DUS2: variants seen among roughly 807,000 people sequenced by gnomAD.
DUS2 encodes dihydrouridine synthase 2.
DUS2 carries 52 observed loss-of-function variants against 71.3 expected under a neutral mutation model. The observed-to-expected ratio is 0.73, with a 90% CI of 0.58 to 0.92. The LOEUF (loss-of-function observed/expected upper bound fraction) is 0.92, where lower values mean the gene tolerates loss of function less well. Ranked by LOEUF, DUS2 falls within the 40% of genes least tolerant of loss-of-function variation. DUS2 has a pLI of 0.00. For missense variants in DUS2, 558 were observed against 622.6 expected (o/e 0.90, Z 1.10); for synonymous variants, 204 against 227.8 (o/e 0.90, Z 0.94).
chr16:68,057,475 G>A (rs1179346492), intron 7 of DUS2, among the ~76,000 whole-genome samples: 1 of 151,790 alleles, frequency 6.6e-6, no homozygotes, highest in African/African-American at 2.4e-5. Context: ...GCCCACACAT[G>A]TAATCCTAGC....
chr16:68,054,245 G>T (rs923133826), intron 5 of DUS2, among the ~76,000 whole-genome samples: 5 of 151,878 alleles, frequency 3.3e-5, no homozygotes, highest in Admixed American at 3.3e-4. Flanking sequence ...GTTAACAATG[G>T]GTAACCATGT....
At chr16:68,069,961 C>A (rs2034060122) in intron 10 of DUS2, among the ~76,000 whole-genome samples, 173 bp from the exon 11 acceptor site, 1 of 152,230 alleles carries the variant, frequency 6.6e-6, no homozygotes, top group Non-Finnish European at 1.5e-5. Context: ...CCTCACAGTT[C>A]TCCAGAGGGC....
Position 68,053,573 on chromosome 16 carries a change from G to C in DUS2, c.182G>C (p.Ser61Thr). The change falls in exon 5 of 17, where the codon AGC becomes ACC. Residue 61 changes from serine to threonine, a missense_variant. By Grantham distance (58) the Ser-to-Thr change is moderately conservative. Coordinates refer to ENST00000565263, the MANE Select transcript of DUS2 (RefSeq NM_017803.5). ...TTGGGTTTTCTTGCAGAGGTGCTCAGCACAGTGGACTTTGTCGCCCCTGAT... is the reference window on the plus strand; with the variant it reads ...TTGGGTTTTCTTGCAGAGGTGCTCACCACAGTGGACTTTGTCGCCCCTGAT... ...QCKRVVNEVL[S>T]TVDFVAPDDR... is the part of the protein sequence containing the mutation. 1 of 1,614,230 alleles carries C rather than the reference G, an allele frequency of 6.2e-7. No homozygotes were observed.
chr16:68,028,596 G>A (rs766067432), intron 2 of DUS2, among the ~76,000 whole-genome samples: 13 of 152,230 alleles, frequency 8.5e-5, no homozygotes, highest in Admixed American at 2.6e-4. Flanking sequence ...CTGAGATCAC[G>A]CCACTGCACT....
chr16:68,068,890 A>G (rs2034046198), intron 10 of DUS2, among the ~76,000 whole-genome samples: 1 of 151,432 alleles, frequency 6.6e-6, no homozygotes, highest in Admixed American at 6.6e-5. Context: ...GTGAGCCACC[A>G]TGCCAAGCCA....
intron 3 of DUS2, among the ~76,000 whole-genome samples, chr16:68,043,797 TG>T (rs2033664760): frequency 6.6e-6 from 1 of 152,192 alleles, no homozygotes; most frequent in Non-Finnish European, 1.5e-5. Context: ...CCCAGGGAGC[TG>T]GGACTACAGG....
chr16:68,038,192 A>T (rs1598302185), intron 3 of DUS2, 43 bp downstream of exon 3: 2 of 1,608,602 alleles, frequency 1.2e-6, no homozygotes, highest in Middle Eastern at 3.4e-4. Context: ...CCACAAGTAC[A>T]GACTCCTCTT....
In DUS2 at chr16:68,053,882, C is replaced by A; in HGVS notation, c.264+227C>A. The A allele has an allele frequency of 8.0e-6, 4 of 500,746 alleles. 1 individual carries two copies. The South Asian group carries it at 1.3e-4, about 16-fold the overall frequency. The allele number at this position is 500,746 out of a possible 1,614,324, so 31.0% of individuals were successfully genotyped here. A position where few individuals can be genotyped will look rare whatever the true frequency, so the allele number is the denominator to read the frequency against. Reference sequence around the variant, plus strand: ...TCACAGTCTTATATGTCTCTAGTCTCAAATTTAATTTACTTACTTGTAGGA... The same window carrying A: ...TCACAGTCTTATATGTCTCTAGTCTAAAATTTAATTTACTTACTTGTAGGA... On this transcript the variant is annotated intron_variant, in intron 5 of 16. Coordinates refer to ENST00000565263, the MANE Select transcript of DUS2 (RefSeq NM_017803.5).
intron 6 of DUS2, among the ~76,000 whole-genome samples, chr16:68,054,860 T>A (rs1320425741): frequency 6.6e-6 from 1 of 152,086 alleles, no homozygotes; most frequent in Non-Finnish European, 1.5e-5. Context: ...TTGGCCAACA[T>A]GGTGAAACCC....
intron 13 of DUS2, 64 bp from the exon 14 acceptor site, chr16:68,075,291 C>A: frequency 6.9e-7 from 1 of 1,449,098 alleles, no homozygotes. Flanking sequence ...GCCCTGGGGT[C>A]CTGCAGTACC....
At chr16:68,023,471 T>C in intron 1 of DUS2, 120 bp downstream of exon 1, 1 of 503,880 alleles carries the variant, frequency 2.0e-6, no homozygotes. Context: ...CTTGACCCAA[T>C]GGACCATGAG....
chr16:68,037,900 A>G (rs1449865331), intron 2 of DUS2, 106 bp from the exon 3 acceptor site: 5 of 1,170,918 alleles, frequency 4.3e-6, no homozygotes, highest in African/African-American at 1.5e-5. Flanking sequence ...AAAGAAAATG[A>G]AAACTACTGT....
At chr16:68,044,624 T>C (rs1337252582) in intron 3 of DUS2, among the ~76,000 whole-genome samples, 1 of 152,010 alleles carries the variant, frequency 6.6e-6, no homozygotes, top group Non-Finnish European at 1.5e-5. Flanking sequence ...CTCGAACTCC[T>C]GATCTCAAAG....
At chr16:68,065,438 C>G (rs1479742193) in intron 8 of DUS2, among the ~76,000 whole-genome samples, 3 of 151,654 alleles carry the variant, frequency 2.0e-5, no homozygotes, top group African/African-American at 7.3e-5. Context: ...CCTGTCATCC[C>G]AGGACTTTGG....
intron 8 of DUS2, among the ~76,000 whole-genome samples, chr16:68,064,913 C>A (rs530455819): frequency 6.6e-6 from 1 of 152,346 alleles, no homozygotes; most frequent in Admixed American, 6.5e-5. Context: ...TGTCTAGAAT[C>A]AAGACTGGCA....
chr16:68,058,719 C>T (rs1336507404), intron 7 of DUS2, among the ~76,000 whole-genome samples: 1 of 152,118 alleles, frequency 6.6e-6, no homozygotes, highest in Non-Finnish European at 1.5e-5. Context: ...TTGATTTCCT[C>T]TGGGGAAGGA....
intron 6 of DUS2, 137 bp downstream of exon 6, chr16:68,054,754 C>G (rs770923740): frequency 8.2e-6 from 9 of 1,091,612 alleles, no homozygotes; most frequent in African/African-American, 1.6e-5. Flanking sequence ...TTAAGAGTGC[C>G]TGGTTTCCAG....
chr16:68,056,618 A>G lies in DUS2; in HGVS notation c.369+194A>G, dbSNP rs75899576. ...TATATTAGCTAAATATACTGTATCAATGTAAACTTATGAAGATAACTTCTG... is the reference window on the plus strand; with the variant it reads ...TATATTAGCTAAATATACTGTATCAGTGTAAACTTATGAAGATAACTTCTG... On this transcript the variant is annotated intron_variant, in intron 7 of 16. Transcript: ENST00000565263. 6.5e-3 allele frequency among the ~76,000 whole-genome samples: 988 copies of G among 152,114 alleles called. 2 individuals are homozygous for G. Among genetic ancestry groups the G allele is most frequent in the Non-Finnish European group, 7.9e-3 (535 of 67,986 alleles).
At position 68,066,639 on chromosome 16, in the gene DUS2, G is replaced by A. The variant is rs780720444; in HGVS notation, c.554+3G>A. On this transcript the variant is annotated splice_donor_region_variant and intron_variant, in intron 10 of 16. Transcript: ENST00000565263. ...GCTGCCATCGCAGTTCATGGGAGGT[G>A]AGTGGTCACCTTTCTAGTGACTGGC... The A allele has an allele frequency of 2.5e-6, 4 of 1,614,012 alleles. No homozygotes were observed. In the East Asian group the frequency reaches 8.9e-5, roughly 36 times the overall value.
Sources: gnomAD v4.1 joint callset for allele counts (sites outside exome capture counted in the v4.1 genomes callset) on GRCh38, gnomAD v4.1.1 for gene constraint, MANE v1.5 for transcripts, NCBI Gene and HGNC (gene_info 2026-07-23, HGNC 2026-07-21) for gene names.